The following WNT3 variants were observed in gnomAD, a reference collection of about 807,000 sequenced individuals.
WNT3 encodes Wnt family member 3.
A neutral mutation model predicts 34.2 loss-of-function variants in WNT3; 7 were observed. That is an observed-to-expected ratio of 0.20 (90% CI 0.12 to 0.38). WNT3 has a LOEUF of 0.38. WNT3 is among the 10% of genes least tolerant of loss of function. The probability of loss-of-function intolerance (pLI) is 1.00; values close to 1 mark genes in which losing one functional copy is unlikely to be tolerated. For missense variants in WNT3, 267 were observed against 499.8 expected, an observed-to-expected ratio of 0.53 and a Z score of 4.44; for synonymous variants, 212 against 211.5, an observed-to-expected ratio of 1.00 and a Z score of -0.02.
chr17:46,802,767 G>A (rs1430814720), intron 1 of WNT3, among the ~76,000 whole-genome samples: 1 of 152,218 alleles, frequency 6.6e-6, no homozygotes, highest in African/African-American at 2.4e-5. Context: ...CTGGAAGGTG[G>A]TGTGCCTGGG....
chr17:46,798,032 G>C (rs1263790512), intron 1 of WNT3, among the ~76,000 whole-genome samples: 1 of 152,130 alleles, frequency 6.6e-6, no homozygotes, highest in Non-Finnish European at 1.5e-5. Flanking sequence ...GGATTCAAGC[G>C]ATTCTCCTGC....
intron 1 of WNT3, among the ~76,000 whole-genome samples, chr17:46,792,939 T>C (rs1389408711): frequency 1.3e-5 from 2 of 151,924 alleles, no homozygotes; most frequent in Non-Finnish European, 2.9e-5. Flanking sequence ...TAAAGTCACA[T>C]AGCTAGGAAA....
intron 1 of WNT3, among the ~76,000 whole-genome samples, chr17:46,797,525 G>A (rs537174032): frequency 6.6e-6 from 1 of 152,326 alleles, no homozygotes; most frequent in Admixed American, 6.5e-5. Flanking sequence ...CTTGGGCCAT[G>A]GGAAAAACAA....
In WNT3 at chr17:46,818,609, C is replaced by T; in HGVS notation, c.-12G>A. On this transcript the variant is annotated 5_prime_UTR_variant, in exon 1 of 5. Transcript: ENST00000225512. ...AGGTGGGGCTCCATTAGAAGAGGCG[C>T]CGAGGAGGAAGTTTGCCCGCGACCA... The T allele has an allele frequency of 6.3e-7, 1 of 1,588,528 alleles. No individual in the cohort carries two copies. The highest frequency in any genetic ancestry group is 8.6e-7 in the Non-Finnish European group (1 of 1,167,574).
At chr17:46,797,016 A>T (rs1334074978) in intron 1 of WNT3, among the ~76,000 whole-genome samples, 1 of 152,216 alleles carries the variant, frequency 6.6e-6, no homozygotes, top group South Asian at 2.1e-4. Flanking sequence ...AATGGGGGAA[A>T]ATGGGAAAAG....
chr17:46,794,939 C>T (rs2084034566), intron 1 of WNT3, among the ~76,000 whole-genome samples: 1 of 151,770 alleles, frequency 6.6e-6, no homozygotes, highest in African/African-American at 2.4e-5. Context: ...TTAGTAGAGA[C>T]GGGGTTTCAC....
chr17:46,766,584 C>G (rs1223325039), intron 4 of WNT3, among the ~76,000 whole-genome samples: 1 of 152,154 alleles, frequency 6.6e-6, no homozygotes, highest in Non-Finnish European at 1.5e-5. Flanking sequence ...GTGCCACCTG[C>G]TGCCTTTCTG....
chr17:46,806,375 A>G lies in WNT3; in HGVS notation c.80+12143T>C, dbSNP rs550905476. Among the ~76,000 whole-genome samples the G allele has an allele frequency of 4.2e-4, 64 of 151,846 alleles. 1 individual carries two copies. In the South Asian group the frequency reaches 0.013, roughly 31 times the overall value. ...CAGGCACGTGCCACCACGCCCGGCT[A>G]ATTTTGTATTTTTAGTAGAGTTGGG... On this transcript the variant is annotated intron_variant, in intron 1 of 4. Transcript: ENST00000225512.
chr17:46,810,520 T>C (rs372984073), intron 1 of WNT3, among the ~76,000 whole-genome samples: 2 of 152,328 alleles, frequency 1.3e-5, no homozygotes, highest in South Asian at 2.1e-4. Flanking sequence ...CCTGAAGCTC[T>C]TCACGGCCCT....
At chr17:46,805,789 T>C (rs1016567671) in intron 1 of WNT3, among the ~76,000 whole-genome samples, 1 of 152,030 alleles carries the variant, frequency 6.6e-6, no homozygotes, top group African/African-American at 2.4e-5. Context: ...GATATTCACA[T>C]CCCCAGGAAG....
chr17:46,770,660 T>G (rs1314463320), intron 2 of WNT3, among the ~76,000 whole-genome samples: 5 of 151,694 alleles, frequency 3.3e-5, no homozygotes, highest in African/African-American at 1.2e-4. Flanking sequence ...TGCCTCAGTC[T>G]CCCCATCCCC....
intron 1 of WNT3, among the ~76,000 whole-genome samples, chr17:46,785,500 C>G (rs1466125793): frequency 6.6e-6 from 1 of 152,238 alleles, no homozygotes; most frequent in East Asian, 1.9e-4. Flanking sequence ...CCCCCGAGGA[C>G]AGGCCCCAGG....
At chr17:46,771,502 C>CG (rs1049562502) in intron 2 of WNT3, among the ~76,000 whole-genome samples, 2 of 149,312 alleles carry the variant, frequency 1.3e-5, no homozygotes, top group Non-Finnish European at 3.0e-5. Context: ...GCGGGGGCGG[C>CG]GGGGGCGGGG....
intron 1 of WNT3, among the ~76,000 whole-genome samples, chr17:46,776,298 A>G (rs2059411524): frequency 6.6e-6 from 1 of 152,252 alleles, no homozygotes; most frequent in South Asian, 2.1e-4. Flanking sequence ...CAGTGAGCCC[A>G]GAGCCCTGAT....
chr17:46,768,610 G>T lies in WNT3; in HGVS notation c.778C>A (p.Arg260=), dbSNP rs1208483398. Residue 260 remains arginine, a synonymous_variant, in exon 4 of 5, where the codon CGG becomes AGG. Transcript: ENST00000225512. This position sits in a 1 kb window ranked among gnomAD's most constrained non-coding sequence, Gnocchi z 5.0. ...RESRGWVETL[R]AKYSLFKPPT... is the part of the protein sequence containing the mutation. ...GGCTTGAAGAGCGAGTACTTGGCCC[G>T]GAGGGTCTCCACCCAGCCTCGGGAC... 6.2e-7 allele frequency: 1 copy of T among 1,614,152 alleles called. No individual in the cohort carries two copies. The highest frequency in any genetic ancestry group is 1.7e-5 in the Admixed American group (1 of 60,030).
At chr17:46,771,925 G>A (rs1205063789) in intron 2 of WNT3, among the ~76,000 whole-genome samples, 1 of 145,038 alleles carries the variant, frequency 6.9e-6, no homozygotes, top group Non-Finnish European at 1.5e-5. Context: ...AGCGCCTCGG[G>A]CCCGCCGCGC....
At chr17:46,805,189 G>GA (rs2084178717) in intron 1 of WNT3, among the ~76,000 whole-genome samples, 1 of 151,858 alleles carries the variant, frequency 6.6e-6, no homozygotes, top group Admixed American at 6.6e-5. Context: ...CCTACCCCTG[G>GA]AATCCCAGCA....
At chr17:46,812,502 T>C (rs2084289904) in intron 1 of WNT3, among the ~76,000 whole-genome samples, 1 of 152,106 alleles carries the variant, frequency 6.6e-6, no homozygotes, top group Admixed American at 6.5e-5. Flanking sequence ...GAAGCCTGCC[T>C]CCCCCACCCC....
chr17:46,788,734 G>GCCCTGCGAGGACCTCCCTGCGAGGACCT (rs57791348), intron 1 of WNT3, among the ~76,000 whole-genome samples: 37 of 152,024 alleles, frequency 2.4e-4, no homozygotes, highest in South Asian at 4.2e-4. Flanking sequence ...AGGTGCAGTG[G>GCCCTGCGAGGACCTCCCTGCGAGGACCT]CCCTGCGAGG....
Sources: allele counts gnomAD v4.1 joint callset (sites outside exome capture counted in the v4.1 genomes callset), GRCh38; gene constraint gnomAD v4.1.1; non-coding constraint Gnocchi (gnomAD v3.1); transcripts MANE v1.5; gene names NCBI Gene and HGNC (gene_info 2026-07-23, HGNC 2026-07-21).